GRIP2: variants seen among roughly 807,000 people sequenced by gnomAD.
GRIP2 encodes the protein glutamate receptor interacting protein 2.
Under a neutral mutation model 108.3 loss-of-function variants are expected in GRIP2, and 58 were observed. The ratio of observed to expected loss-of-function variants is 0.54; its 90% confidence interval spans 0.43 to 0.67. The LOEUF (loss-of-function observed/expected upper bound fraction) is 0.67, where lower values mean the gene tolerates loss of function less well. Ranked by LOEUF, GRIP2 falls within the 30% of genes least tolerant of loss-of-function variation. The pLI is 0.00. For synonymous variants in GRIP2, 586 were observed against 598.2 expected, an observed-to-expected ratio of 0.98 and a Z score of 0.30; for missense variants, 1,278 against 1,430.6, an observed-to-expected ratio of 0.89 and a Z score of 1.72.
the GRIP2 span, among the ~76,000 whole-genome samples, chr3:14,595,146 C>T: frequency 2.0e-4 from 30 of 152,316 alleles, no homozygotes; most frequent in East Asian, 5.8e-3. Context: ...GATCCTCCCA[C>T]CTCAGCCTCC....
At chr3:14,541,886 C>T (rs200339422), upstream of GRIP2, 232 of 1,335,028 alleles carry the variant, frequency 1.7e-4, 3 homozygotes, top group Middle Eastern at 0.014. Context: ...ATTTGGCCAC[C>T]GGTACCCTGG....
At chr3:14,566,361 A>G in the GRIP2 span, among the ~76,000 whole-genome samples, 1 of 152,242 alleles carries the variant, frequency 6.6e-6, no homozygotes, top group Non-Finnish European at 1.5e-5. Flanking sequence ...ACAGCCCACA[A>G]GGGCACACAA....
intron 1 of GRIP2, among the ~76,000 whole-genome samples, chr3:14,538,355 TG>T (rs1314333920): frequency 1.3e-5 from 2 of 152,332 alleles, no homozygotes; most frequent in East Asian, 3.9e-4. Context: ...GAGCCGTTTC[TG>T]GGGCATTTGC....
intron 1 of GRIP2, among the ~76,000 whole-genome samples, chr3:14,529,293 A>G (rs1402731526): frequency 1.8e-4 from 10 of 54,370 alleles, no homozygotes; most frequent in African/African-American, 3.7e-4. Context: ...AAAAAAAAAA[A>G]AAAAAAAAAG....
intron 21 of GRIP2, among the ~76,000 whole-genome samples, chr3:14,501,337 T>G (rs946843966): frequency 1.3e-5 from 2 of 152,236 alleles, no homozygotes; most frequent in African/African-American, 4.8e-5. Context: ...TTAAACTGGT[T>G]AAAATTATAA....
At chr3:14,501,178 G>A (rs1355062368) in intron 21 of GRIP2, among the ~76,000 whole-genome samples, 1 of 152,176 alleles carries the variant, frequency 6.6e-6, no homozygotes, top group African/African-American at 2.4e-5. Context: ...CATAGAGACA[G>A]AGTAGATAGC....
At position 14,505,754 on chromosome 3, in the gene GRIP2, T is replaced by G; in HGVS notation, c.2434A>C (p.Thr812Pro). 1 of 1,574,750 alleles carries G rather than the reference T, an allele frequency of 6.4e-7. No homozygotes were observed. Among genetic ancestry groups the G allele is most frequent in the South Asian group, 1.2e-5 (1 of 85,860 alleles). Reference sequence around the variant, plus strand: ...CAGCCAGGCCTCCGCTCCTGGGGGGTCGTGCCCCGGGCTGCTGCCTGTGGT... The same window carrying G: ...CAGCCAGGCCTCCGCTCCTGGGGGGGCGTGCCCCGGGCTGCTGCCTGTGGT... ...YTPQAAARGT[T>P]PQERRPGWLR... Residue 812 changes from threonine (T) to proline (P), a missense_variant, in exon 20 of 24, where the codon ACC becomes CCC. Thr to Pro is a conservative substitution (Grantham distance 38). Transcript: ENST00000621039. The surrounding 1 kb of genome is among the most constrained non-coding windows in gnomAD (Gnocchi z 4.2).
At chr3:14,554,129 G>T (rs1264166576) in intron 1 of GRIP2, among the ~76,000 whole-genome samples, 1 of 152,110 alleles carries the variant, frequency 6.6e-6, no homozygotes, top group Non-Finnish European at 1.5e-5. Context: ...TTCCTCAATC[G>T]GCACTGCAAT....
chr3:14,525,432 C>T lies in GRIP2; in HGVS notation c.257+5G>A, dbSNP rs757231537. On this transcript the variant is annotated splice_donor_5th_base_variant and intron_variant, in intron 3 of 23. Transcript: ENST00000621039. The stretch of plus-strand genomic sequence containing the variant: ...TCCTGCGGCCGTGCCAAGCCCACTT[C>T]TCACCTGGCTGCAAGTCCCCCAGGT... The T allele has an allele frequency of 1.4e-5, 22 of 1,610,320 alleles. No homozygotes were observed. In the East Asian group the frequency reaches 4.9e-4, roughly 36 times the overall value.
At chr3:14,520,041 C>T in intron 9 of GRIP2, 69 bp downstream of exon 9, 5 of 1,441,330 alleles carry the variant, frequency 3.5e-6, no homozygotes, top group Non-Finnish European at 4.7e-6. Flanking sequence ...GCCCAGGGCT[C>T]TGGTCCCAGG....
chr3:14,593,363 C>A, the GRIP2 span, among the ~76,000 whole-genome samples: 1 of 152,268 alleles, frequency 6.6e-6, no homozygotes, highest in African/African-American at 2.4e-5. Context: ...GGCCTCCCCA[C>A]TGGGCCATGA....
chr3:14,574,687 T>A, the GRIP2 span: 1 of 620,616 alleles, frequency 1.6e-6, no homozygotes, highest in African/African-American at 1.8e-5. Flanking sequence ...CTGGCTGGAG[T>A]GAAGCTTCGA....
chr3:14,570,818 G>A, the GRIP2 span, among the ~76,000 whole-genome samples: 4 of 152,370 alleles, frequency 2.6e-5, no homozygotes, highest in East Asian at 1.9e-4. Context: ...TCGACCTGAT[G>A]TGCAATTCAA....
chr3:14,562,621 A>G, the GRIP2 span, among the ~76,000 whole-genome samples: 2 of 152,246 alleles, frequency 1.3e-5, no homozygotes, highest in East Asian at 1.9e-4. Flanking sequence ...ACCACAGCAG[A>G]TAAGTGCTGA....
chr3:14,601,515 C>A, the GRIP2 span, among the ~76,000 whole-genome samples: 1 of 152,326 alleles, frequency 6.6e-6, no homozygotes, highest in Non-Finnish European at 1.5e-5. Context: ...CTGCTCCATC[C>A]GCACCAACTC....
chr3:14,572,611 CAAAAAAAA>C, the GRIP2 span, among the ~76,000 whole-genome samples: 2 of 46,958 alleles, frequency 4.3e-5, no homozygotes, highest in African/African-American at 1.9e-4. Flanking sequence ...GACTCCGTCT[CAAAAAAAA>C]AAAAAAAAAA....
intron 1 of GRIP2, among the ~76,000 whole-genome samples, chr3:14,533,971 GC>G (rs1694772837): frequency 6.6e-6 from 1 of 152,188 alleles, no homozygotes; most frequent in Non-Finnish European, 1.5e-5. Flanking sequence ...ACTTCCCTAG[GC>G]ATCTCAGGGT....
At chr3:14,537,115 A>T (rs1319754655) in intron 1 of GRIP2, among the ~76,000 whole-genome samples, 1 of 152,104 alleles carries the variant, frequency 6.6e-6, no homozygotes, top group East Asian at 1.9e-4. Context: ...TGGCAACTGC[A>T]CTCTAAAGGG....
In GRIP2 at chr3:14,507,786, C is replaced by T; in HGVS notation, c.2079-86G>A. 4.0e-6 allele frequency: 6 copies of T among 1,499,314 alleles called. No homozygotes were observed. Among genetic ancestry groups the T allele is most frequent in the Non-Finnish European group, 5.5e-6 (6 of 1,091,870 alleles). The allele number at this position is 1,499,314 out of a possible 1,614,324, so 92.9% of individuals were successfully genotyped here. ...TCTGCCCTCAGGGAATCCAGGAGAG[C>T]CACAAAGCAGAAGTCTGGCTGACCC... On this transcript the variant is annotated intron_variant, in intron 17 of 23. Transcript: ENST00000621039. This position sits in a 1 kb window ranked among gnomAD's most constrained non-coding sequence, Gnocchi z 4.6.
Sources: gnomAD v4.1 joint callset for allele counts (sites outside exome capture counted in the v4.1 genomes callset) on GRCh38, gnomAD v4.1.1 for gene constraint, Gnocchi (gnomAD v3.1) non-coding constraint, MANE v1.5 for transcripts, NCBI Gene and HGNC (gene_info 2026-07-23, HGNC 2026-07-21) for gene names.